CHIC2: variants seen among roughly 807,000 people sequenced by gnomAD.
CHIC2 encodes cysteine-rich hydrophobic domain-containing protein 2.
A neutral mutation model predicts 25.9 loss-of-function variants in CHIC2; 14 were observed. That is an observed-to-expected ratio of 0.54 (90% confidence interval 0.36 to 0.85). The LOEUF (loss-of-function observed/expected upper bound fraction) is 0.85, where lower values mean the gene tolerates loss of function less well. Among genes scored for constraint, CHIC2 ranks in the 40% least tolerant of loss-of-function variants. The probability of loss-of-function intolerance (pLI) is 0.01; values close to 1 mark genes in which losing one functional copy is unlikely to be tolerated. For missense variants in CHIC2, 146 were observed against 202.0 expected, an observed-to-expected ratio of 0.72 and a Z score of 1.68; for synonymous variants, 70 against 72.0, an observed-to-expected ratio of 0.97 and a Z score of 0.14.
Position 54,061,102 on chromosome 4 carries a change from G to A in CHIC2, c.119+3080C>T, listed in dbSNP as rs370797630. Reference sequence around the variant, plus strand: ...GTATAAAAAGTAAGTCTGATTTGGGGGTCACGATGAAAACATTTGTATTTA... The same window carrying A: ...GTATAAAAAGTAAGTCTGATTTGGGAGTCACGATGAAAACATTTGTATTTA... On this transcript the variant is annotated intron_variant, in intron 1 of 5. Transcript: ENST00000263921. 153 of 152,008 alleles carry A rather than the reference G, an allele frequency of 1.0e-3. 1 individual carries two copies. The highest frequency in any genetic ancestry group is 5.4e-3 in the Admixed American group (83 of 15,262). 9.4% of individuals were successfully genotyped at this position (152,008 alleles called of 1,614,324 possible). A position where few individuals can be genotyped will look rare whatever the true frequency, so the allele number is the denominator to read the frequency against.
the CHIC2 span, among the ~76,000 whole-genome samples, chr4:54,072,802 G>A: frequency 6.6e-6 from 1 of 152,188 alleles, no homozygotes; most frequent in South Asian, 2.1e-4. Flanking sequence ...TCTGGGCGTG[G>A]TGGCTCATGC....
rs59288511 is a variant in CHIC2, at chr4:54,062,329, T to TTTTATTTA, written c.119+1845_119+1852dup. On this transcript the variant is annotated intron_variant, in intron 1 of 5. Transcript: ENST00000263921. ...CTACACATTAGAATCACCTGTGAGA[T>TTTTATTTA]TTTATTTATTTATTTATTTATTTAT... is the stretch of plus-strand genomic sequence containing the variant. 5.8e-3 allele frequency among the ~76,000 whole-genome samples: 874 copies of TTTTATTTA among 151,448 alleles called. 9 individuals carry two copies. Among genetic ancestry groups the TTTTATTTA allele is most frequent in the African/African-American group, 0.019 (798 of 41,018 alleles).
rs1717450807 is a variant in CHIC2 at position 54,064,526 on chromosome 4, T to C, written c.-226A>G. 4 of 1,388,670 alleles carry C rather than the reference T, an allele frequency of 2.9e-6. No homozygotes were observed. The Middle Eastern group carries it at 8.0e-4, about 279-fold the overall frequency. 86.0% of individuals were successfully genotyped at this position (1,388,670 alleles called of 1,614,324 possible). A position where few individuals can be genotyped will look rare whatever the true frequency, so the allele number is the denominator to read the frequency against. ...CATCAGCAATAACAACAACACAATG[T>C]CAACATCCGCCCAGAGGCCGACACC... is the stretch of plus-strand genomic sequence containing the variant. On this transcript the variant is annotated 5_prime_UTR_variant, in exon 1 of 6. Coordinates refer to ENST00000263921, the MANE Select transcript of CHIC2 (RefSeq NM_012110.4). This position sits in a 1 kb window ranked among gnomAD's most constrained non-coding sequence, Gnocchi z 4.2.
At chr4:54,091,825 C>T in the CHIC2 span, among the ~76,000 whole-genome samples, 1 of 152,236 alleles carries the variant, frequency 6.6e-6, no homozygotes, top group Non-Finnish European at 1.5e-5. Context: ...CGCTCATGCA[C>T]ACTCGCCCCC....
At chr4:54,036,216 G>A (rs1395789058) in intron 3 of CHIC2, among the ~76,000 whole-genome samples, 2 of 152,206 alleles carry the variant, frequency 1.3e-5, no homozygotes, top group Non-Finnish European at 2.9e-5. Flanking sequence ...TAAGTTGGCT[G>A]ACATCTGTAG....
At chr4:54,081,302 T>C in the CHIC2 span, among the ~76,000 whole-genome samples, 1 of 151,878 alleles carries the variant, frequency 6.6e-6, no homozygotes, top group African/African-American at 2.4e-5. Context: ...AAATTACTTC[T>C]TTGAATCTTT....
chr4:54,081,957 G>A, the CHIC2 span, among the ~76,000 whole-genome samples: 1 of 152,162 alleles, frequency 6.6e-6, no homozygotes, highest in Non-Finnish European at 1.5e-5. Flanking sequence ...GGTGGAGAAA[G>A]GTGTCAATGG....
chr4:54,084,365 G>T, the CHIC2 span, among the ~76,000 whole-genome samples: 1 of 151,992 alleles, frequency 6.6e-6, no homozygotes, highest in Non-Finnish European at 1.5e-5. Context: ...ATATTTTGTT[G>T]ACAGCTAAGT....
chr4:54,079,439 CT>C, the CHIC2 span, among the ~76,000 whole-genome samples: 3 of 152,112 alleles, frequency 2.0e-5, no homozygotes, highest in East Asian at 5.8e-4. Flanking sequence ...AATCAAAAAG[CT>C]TCTGCACAGC....
At chr4:54,029,115 C>G (rs1716146035) in intron 3 of CHIC2, among the ~76,000 whole-genome samples, 1 of 150,016 alleles carries the variant, frequency 6.7e-6, no homozygotes, top group East Asian at 1.9e-4. Context: ...GAGCGAGACT[C>G]CATCTCAAAG....
At chr4:54,071,628 A>G in the CHIC2 span, among the ~76,000 whole-genome samples, 8 of 152,232 alleles carry the variant, frequency 5.3e-5, no homozygotes, top group Non-Finnish European at 1.5e-5. Context: ...GGTTCCTTAC[A>G]TCAGTCTTCC....
chr4:54,075,519 A>T, the CHIC2 span, among the ~76,000 whole-genome samples: 1 of 152,166 alleles, frequency 6.6e-6, no homozygotes, highest in African/African-American at 2.4e-5. Context: ...AAGGGGAAAA[A>T]TCAGGCAAAG....
chr4:54,069,610 G>A, the CHIC2 span, among the ~76,000 whole-genome samples: 1 of 152,174 alleles, frequency 6.6e-6, no homozygotes, highest in Non-Finnish European at 1.5e-5. Context: ...AGCCCCTTCT[G>A]GTGATCAGCT....
In CHIC2 at chr4:54,023,305, G is replaced by A. The variant is rs185525284; in HGVS notation, c.331-9186C>T. On this transcript the variant is annotated intron_variant, in intron 3 of 5. Transcript: ENST00000263921. ...ATGTCTCCGTGCAGAGGCTGCCGCC[G>A]CTCTAATACTTTTAGAGGCCCTAAA... Among the ~76,000 whole-genome samples the A allele has an allele frequency of 1.8e-3, 269 of 152,230 alleles. 1 individual carries two copies. The highest frequency in any genetic ancestry group is 5.0e-3 in the African/African-American group (206 of 41,540).
the CHIC2 span, among the ~76,000 whole-genome samples, chr4:54,073,217 G>A: frequency 2.6e-5 from 4 of 152,118 alleles, no homozygotes; most frequent in African/African-American, 4.8e-5. Flanking sequence ...CCTTGGTTTG[G>A]TCAACAGCCT....
At chr4:54,086,294 A>G in the CHIC2 span, among the ~76,000 whole-genome samples, 1 of 152,042 alleles carries the variant, frequency 6.6e-6, no homozygotes, top group African/African-American at 2.4e-5. Flanking sequence ...CATGGAGAAG[A>G]TTATGAGACA....
chr4:54,048,167 T>A (rs1405798778), intron 3 of CHIC2, among the ~76,000 whole-genome samples: 1 of 152,100 alleles, frequency 6.6e-6, no homozygotes, highest in Non-Finnish European at 1.5e-5. Context: ...TTTTTGTATT[T>A]TTAGTAGAGA....
At chr4:54,022,226 C>G (rs1038608941) in intron 3 of CHIC2, among the ~76,000 whole-genome samples, 52 of 152,258 alleles carry the variant, frequency 3.4e-4, no homozygotes, top group African/African-American at 1.2e-3. Context: ...GAACTCTGGC[C>G]CAAGGCTCTC....
At chr4:54,023,810 C>T (rs921044709) in intron 3 of CHIC2, among the ~76,000 whole-genome samples, 2 of 152,338 alleles carry the variant, frequency 1.3e-5, no homozygotes, top group East Asian at 3.9e-4. Flanking sequence ...TCTATACTGA[C>T]TCGAAATATG....
Sources: allele counts gnomAD v4.1 joint callset (sites outside exome capture counted in the v4.1 genomes callset), GRCh38; gene constraint gnomAD v4.1.1; non-coding constraint Gnocchi (gnomAD v3.1); transcripts MANE v1.5; gene names NCBI Gene and HGNC (gene_info 2026-07-23, HGNC 2026-07-21).